SCNN1B: variants seen among roughly 807,000 people sequenced by gnomAD.
SCNN1B encodes the protein epithelial sodium channel subunit beta.
Under a neutral mutation model 65.3 loss-of-function variants are expected in SCNN1B, and 46 were observed. The observed-to-expected ratio is 0.70, with a 90% confidence interval of 0.56 to 0.90. The LOEUF (loss-of-function observed/expected upper bound fraction) is 0.90, where lower values mean the gene tolerates loss of function less well. SCNN1B is among the 40% of genes least tolerant of loss of function. SCNN1B has a pLI of 0.00. For synonymous variants in SCNN1B, 349 were observed against 330.6 expected, an observed-to-expected ratio of 1.06 and a Z score of -0.60; for missense variants, 751 against 830.5, an observed-to-expected ratio of 0.90 and a Z score of 1.18.
At chr16:23,334,617 T>A (rs239345) in intron 1 of SCNN1B, among the ~76,000 whole-genome samples, 41,847 of 152,102 alleles carry the variant, frequency 0.28, 6,003 homozygotes, top group African/African-American at 0.36. Context: ...CTTTGCTTCC[T>A]CAGCTCTTGT....
Position 23,380,086 on chromosome 16 carries a change from T to C in SCNN1B, c.1467-8T>C, listed in dbSNP as rs745786037. The C allele has an allele frequency of 3.7e-6, 6 of 1,612,656 alleles. No homozygotes were observed. The East Asian group carries it at 8.9e-5, about 24-fold the overall frequency. On this transcript the variant is annotated splice_region_variant and splice_polypyrimidine_tract_variant and intron_variant, in intron 11 of 12. Coordinates refer to ENST00000343070, the MANE Select transcript of SCNN1B (RefSeq NM_000336.3). This position sits in a 1 kb window ranked among gnomAD's most constrained non-coding sequence, Gnocchi z 5.4. ...ATTAGTCCCGGCCCTTCTCGCTGCC[T>C]CCTGCAGGAAGGGAATTGTCAAGCT...
intron 4 of SCNN1B, among the ~76,000 whole-genome samples, chr16:23,365,492 A>G (rs113256822): frequency 1.6e-5 from 2 of 127,042 alleles, no homozygotes; most frequent in Non-Finnish European, 3.4e-5. Context: ...AAAAGAAGAA[A>G]AGAAAGAAAA....
chr16:23,351,700 C>T (rs1250689091), intron 2 of SCNN1B, among the ~76,000 whole-genome samples: 2 of 152,186 alleles, frequency 1.3e-5, no homozygotes, highest in Non-Finnish European at 2.9e-5. Context: ...CATGAAGTGA[C>T]TGGGGTGCAG....
At chr16:23,285,687 T>A (rs549348938) in intron 2 of SCNN1B, among the ~76,000 whole-genome samples, 1 of 152,088 alleles carries the variant, frequency 6.6e-6, no homozygotes, top group East Asian at 1.9e-4. Flanking sequence ...AAAAATACAA[T>A]AATAGTCTGG....
At chr16:23,337,335 T>C (rs1287892438) in intron 1 of SCNN1B, among the ~76,000 whole-genome samples, 3 of 151,992 alleles carry the variant, frequency 2.0e-5, no homozygotes, top group African/African-American at 7.2e-5. Flanking sequence ...ATTACAGGCA[T>C]GAGCTACCAG....
At chr16:23,343,510 A>G (rs1567304206) in intron 1 of SCNN1B, among the ~76,000 whole-genome samples, 5 of 69,070 alleles carry the variant, frequency 7.2e-5, no homozygotes, top group Non-Finnish European at 1.2e-4. Flanking sequence ...AAGGAAGGAA[A>G]AGGAAGGAAG....
chr16:23,313,635 T>C (rs1289686298), intron 1 of SCNN1B, among the ~76,000 whole-genome samples: 2 of 152,186 alleles, frequency 1.3e-5, no homozygotes, highest in Non-Finnish European at 2.9e-5. Context: ...TGTTTTGAAA[T>C]GGAGTCTCGC....
chr16:23,350,855 G>A (rs1962295348), intron 2 of SCNN1B, among the ~76,000 whole-genome samples: 1 of 152,130 alleles, frequency 6.6e-6, no homozygotes, highest in Admixed American at 6.5e-5. Context: ...GGAGGTTGCA[G>A]TGAGCCGAGA....
chr16:23,307,976 T>A (rs57487827), intron 1 of SCNN1B, among the ~76,000 whole-genome samples: 1 of 151,970 alleles, frequency 6.6e-6, no homozygotes, highest in Non-Finnish European at 1.5e-5. Context: ...GCCCAGGAGA[T>A]TGAGGCTGCA....
At chr16:23,378,537 C>T (rs1962961588) in intron 10 of SCNN1B, among the ~76,000 whole-genome samples, 169 bp from the exon 11 acceptor site, 1 of 152,154 alleles carries the variant, frequency 6.6e-6, no homozygotes, top group South Asian at 2.1e-4. Context: ...CCTAGAACAG[C>T]AGCCACAGCT....
chr16:23,289,204 G>A (rs1960890274), intron 2 of SCNN1B, among the ~76,000 whole-genome samples: 1 of 152,158 alleles, frequency 6.6e-6, no homozygotes, highest in Non-Finnish European at 1.5e-5. Context: ...GTGTCACTCT[G>A]TTTCTTTAAT....
At chr16:23,305,310 A>G (rs1961171327) in intron 1 of SCNN1B, among the ~76,000 whole-genome samples, 1 of 151,542 alleles carries the variant, frequency 6.6e-6, no homozygotes, top group Non-Finnish European at 1.5e-5. Context: ...GATTTTAAAA[A>G]TCAGTTCATA....
chr16:23,363,848 T>C (rs1003678557), intron 4 of SCNN1B, among the ~76,000 whole-genome samples: 1 of 150,260 alleles, frequency 6.7e-6, no homozygotes, highest in African/African-American at 2.4e-5. Flanking sequence ...TTTCAGATTC[T>C]GATGTATCTG....
At chr16:23,362,344 T>A (rs986290047) in intron 4 of SCNN1B, among the ~76,000 whole-genome samples, 12 of 147,338 alleles carry the variant, frequency 8.1e-5, no homozygotes, top group Non-Finnish European at 1.0e-4. Flanking sequence ...AAAAAAAAAA[T>A]AAAGTTAAAT....
intron 1 of SCNN1B, among the ~76,000 whole-genome samples, chr16:23,279,077 G>GTT (rs1960747624): frequency 7.8e-6 from 1 of 128,454 alleles, no homozygotes; most frequent in African/African-American, 2.7e-5. Flanking sequence ...TGTGTGGGGT[G>GTT]TGTGTGTGTG....
At position 23,365,554 on chromosome 16, in the gene SCNN1B, AAAG is replaced by A. The variant is rs1322408259; in HGVS notation, c.777-2300_777-2298del. Among the ~76,000 whole-genome samples, 376 of 60,826 alleles carry A rather than the reference AAAG, an allele frequency of 6.2e-3. 3 individuals carry two copies. The highest frequency in any genetic ancestry group is 7.8e-3 in the Middle Eastern group (1 of 128). The allele number at this position is 60,826 out of a possible 152,430, so 39.9% of individuals were successfully genotyped here. ...AAGAGAGAAGGAAAGAGAAAGAAGG[AAAG>A]AGAAAGAAAGAAAGAAAGAAAGAAA... On this transcript the variant is annotated intron_variant, in intron 4 of 12. Coordinates refer to ENST00000343070, the MANE Select transcript of SCNN1B (RefSeq NM_000336.3).
chr16:23,379,794 G>A (rs969119944), intron 11 of SCNN1B, among the ~76,000 whole-genome samples: 1 of 152,216 alleles, frequency 6.6e-6, no homozygotes, highest in Non-Finnish European at 1.5e-5. Flanking sequence ...GGGGCCATAG[G>A]ATGGGTGCTG....
intron 2 of SCNN1B, among the ~76,000 whole-genome samples, chr16:23,288,917 C>T (rs1019493908): frequency 4.6e-5 from 7 of 152,160 alleles, no homozygotes; most frequent in Admixed American, 1.3e-4. Context: ...GGTTTTTGCC[C>T]GGAAGCCACT....
chr16:23,297,802 C>T (rs1467082779), upstream of SCNN1B, among the ~76,000 whole-genome samples: 3 of 152,180 alleles, frequency 2.0e-5, no homozygotes, highest in African/African-American at 7.2e-5. Context: ...ATGAAGTCAA[C>T]ACCCCTAAGA....
Sources: gnomAD v4.1 joint callset for allele counts (sites outside exome capture counted in the v4.1 genomes callset) on GRCh38, gnomAD v4.1.1 for gene constraint, Gnocchi (gnomAD v3.1) non-coding constraint, MANE v1.5 for transcripts, NCBI Gene and HGNC (gene_info 2026-07-23, HGNC 2026-07-21) for gene names.